KCNJ6: variants seen among roughly 807,000 people sequenced by gnomAD.
KCNJ6 encodes potassium inwardly rectifying channel subfamily J member 6.
A neutral mutation model predicts 34.2 loss-of-function variants in KCNJ6; 9 were observed. The ratio of observed to expected loss-of-function variants is 0.26; its 90% CI spans 0.16 to 0.46. The LOEUF is 0.46. KCNJ6 is among the 20% of genes least tolerant of loss of function. The pLI, the probability that KCNJ6 is intolerant of heterozygous loss-of-function variation, is 1.00. For missense variants in KCNJ6, 236 were observed against 531.3 expected (o/e 0.44, Z 5.46); for synonymous variants, 196 against 207.1 (o/e 0.95, Z 0.46).
intron 2 of KCNJ6, among the ~76,000 whole-genome samples, chr21:37,811,821 T>G (rs1257810708): frequency 6.6e-6 from 1 of 152,184 alleles, no homozygotes; most frequent in Non-Finnish European, 1.5e-5. Context: ...GCAGCAGTTT[T>G]CTGGTTAATA....
At chr21:37,889,853 G>T (rs942767795) in intron 1 of KCNJ6, among the ~76,000 whole-genome samples, 2 of 152,100 alleles carry the variant, frequency 1.3e-5, no homozygotes, top group African/African-American at 2.4e-5. Flanking sequence ...TCACCCTAAT[G>T]ACCTCATCTT....
At chr21:37,878,895 G>A (rs925091710) in intron 1 of KCNJ6, among the ~76,000 whole-genome samples, 1 of 152,182 alleles carries the variant, frequency 6.6e-6, no homozygotes, top group African/African-American at 2.4e-5. Flanking sequence ...TGATGTTCCT[G>A]ATAGACCAAC....
intron 2 of KCNJ6, among the ~76,000 whole-genome samples, chr21:37,753,089 C>T (rs558387415): frequency 6.6e-6 from 1 of 152,236 alleles, no homozygotes; most frequent in African/African-American, 2.4e-5. Context: ...TGAGGGTGGG[C>T]GAGACGGCCG....
intron 3 of KCNJ6, among the ~76,000 whole-genome samples, chr21:37,647,355 C>T (rs1165328806): frequency 1.3e-5 from 2 of 152,090 alleles, no homozygotes; most frequent in Non-Finnish European, 2.9e-5. Context: ...GGAGGGGAAG[C>T]TGTATTTTGT....
Position 37,615,915 on chromosome 21 carries a change from G to A in KCNJ6, c.*9244C>T, listed in dbSNP as rs1341717610. The A allele has an allele frequency of 6.6e-6, 1 of 152,216 alleles. No homozygotes were observed. Among genetic ancestry groups the A allele is most frequent in the East Asian group, 1.9e-4 (1 of 5,184 alleles). The allele number at this position is 152,216 out of a possible 1,614,324, so 9.4% of individuals were successfully genotyped here. On this transcript the variant is annotated 3_prime_UTR_variant, in exon 4 of 4. Transcript: ENST00000609713. ...GCATGAGTGTGATATGAGGATGATGGCTTGAAGAAGAGCCTTTTAAGAAGC... is the reference window on the plus strand; with the variant it reads ...GCATGAGTGTGATATGAGGATGATGACTTGAAGAAGAGCCTTTTAAGAAGC...
At chr21:37,810,517 G>A (rs2055317463) in intron 2 of KCNJ6, among the ~76,000 whole-genome samples, 1 of 152,170 alleles carries the variant, frequency 6.6e-6, no homozygotes, top group African/African-American at 2.4e-5. Context: ...AAATGTACCT[G>A]TTTTTGCCAC....
rs544387163 is a variant in KCNJ6, at chr21:37,841,012, T to G, written c.-27-303A>C. 1.9e-3 allele frequency among the ~76,000 whole-genome samples: 294 copies of G among 152,328 alleles called. 4 individuals are homozygous for G. The highest frequency in any genetic ancestry group is 3.4e-3 in the Non-Finnish European group (234 of 68,022). On this transcript the variant is annotated intron_variant, in intron 1 of 3. Coordinates refer to ENST00000609713, the MANE Select transcript of KCNJ6 (RefSeq NM_002240.5). ...TCAAAACCTCTTTGACACTGGATTT[T>G]TGACATCCATATGCCAATTTTTTTT...
At chr21:37,876,909 G>A (rs2055681365) in intron 1 of KCNJ6, among the ~76,000 whole-genome samples, 2 of 152,202 alleles carry the variant, frequency 1.3e-5, no homozygotes, top group African/African-American at 4.8e-5. Flanking sequence ...ATCATGGACT[G>A]CCAGTGCTCA....
intron 2 of KCNJ6, among the ~76,000 whole-genome samples, chr21:37,730,890 T>A (rs1192351896): frequency 4.6e-5 from 7 of 152,224 alleles, no homozygotes; most frequent in Admixed American, 1.3e-4. Context: ...ATATCTATTA[T>A]GTGCCAAGTA....
intron 2 of KCNJ6, among the ~76,000 whole-genome samples, chr21:37,820,919 G>C (rs2055370270): frequency 6.6e-6 from 1 of 152,162 alleles, no homozygotes; most frequent in African/African-American, 2.4e-5. Flanking sequence ...ATAACCCTCT[G>C]TGTTCAATAT....
At chr21:37,643,632 C>T (rs911585591) in intron 3 of KCNJ6, among the ~76,000 whole-genome samples, 3 of 152,302 alleles carry the variant, frequency 2.0e-5, no homozygotes, top group Middle Eastern at 3.4e-3. Context: ...GGTGATACCA[C>T]CCAGATGTGG....
intron 3 of KCNJ6, among the ~76,000 whole-genome samples, chr21:37,664,413 G>A (rs1362429696): frequency 6.6e-6 from 1 of 151,974 alleles, no homozygotes; most frequent in African/African-American, 2.4e-5. Flanking sequence ...ATTCTTTGGA[G>A]GTAAGTGAAA....
chr21:37,704,523 A>G (rs1193759927), intron 3 of KCNJ6, among the ~76,000 whole-genome samples: 1 of 152,172 alleles, frequency 6.6e-6, no homozygotes, highest in Non-Finnish European at 1.5e-5. Flanking sequence ...CAAGCCCTCC[A>G]TTATCCGTCC....
intron 3 of KCNJ6, among the ~76,000 whole-genome samples, chr21:37,705,276 G>A (rs1026897130): frequency 1.3e-5 from 2 of 152,194 alleles, no homozygotes; most frequent in Non-Finnish European, 2.9e-5. Flanking sequence ...GGAAGGGGCA[G>A]CCCTGAGACT....
At chr21:37,758,655 T>C (rs2055044000) in intron 2 of KCNJ6, among the ~76,000 whole-genome samples, 1 of 152,108 alleles carries the variant, frequency 6.6e-6, no homozygotes, top group Non-Finnish European at 1.5e-5. Flanking sequence ...ATTTTTTTTT[T>C]GAGACAGGGT....
Position 37,624,015 on chromosome 21 carries a change from T to C in KCNJ6, c.*1144A>G, listed in dbSNP as rs772739072. On this transcript the variant is annotated 3_prime_UTR_variant, in exon 4 of 4. Transcript: ENST00000609713. ...CTTACCATGTCTCATTGTAAGAGTG[T>C]AGAGAAACTACAGCTGGAGAATCAA... 1 of 152,206 alleles carries C rather than the reference T, an allele frequency of 6.6e-6. No individual in the cohort carries two copies. The highest frequency in any genetic ancestry group is 1.5e-5 in the Non-Finnish European group (1 of 68,036). The allele number at this position is 152,206 out of a possible 1,614,324, so 9.4% of individuals were successfully genotyped here.
intron 2 of KCNJ6, among the ~76,000 whole-genome samples, chr21:37,729,615 T>C (rs1190531130): frequency 6.6e-6 from 1 of 152,212 alleles, no homozygotes; most frequent in Admixed American, 6.5e-5. Flanking sequence ...TGAGCCACCA[T>C]GCCCAGCCCC....
intron 2 of KCNJ6, among the ~76,000 whole-genome samples, chr21:37,786,885 G>A (rs1435344661): frequency 6.6e-6 from 1 of 152,162 alleles, no homozygotes; most frequent in Non-Finnish European, 1.5e-5. Context: ...ATGGCTTCAA[G>A]TTTTAGCTAT....
intron 3 of KCNJ6, among the ~76,000 whole-genome samples, chr21:37,653,379 A>G (rs778265028): frequency 2.0e-5 from 3 of 152,172 alleles, no homozygotes; most frequent in Non-Finnish European, 4.4e-5. Context: ...AGTTGCCATC[A>G]ATGCTGGTGG....
Sources: allele counts gnomAD v4.1 joint callset (sites outside exome capture counted in the v4.1 genomes callset), GRCh38; gene constraint gnomAD v4.1.1; transcripts MANE v1.5; gene names NCBI Gene and HGNC (gene_info 2026-07-23, HGNC 2026-07-21).